IL1RAPL2: variants seen among roughly 807,000 people sequenced by gnomAD.
The protein encoded by IL1RAPL2 is interleukin 1 receptor accessory protein like 2, also known as X-linked interleukin-1 receptor accessory protein-like 2.
A neutral mutation model predicts 44.1 loss-of-function variants in IL1RAPL2; 3 were observed. The ratio of observed to expected loss-of-function variants is 0.07; its 90% confidence interval spans 0.03 to 0.18. The LOEUF (loss-of-function observed/expected upper bound fraction) is 0.18. Ranked by LOEUF, IL1RAPL2 falls within the 10% of genes least tolerant of loss-of-function variation. The pLI, the probability that IL1RAPL2 is intolerant of heterozygous loss-of-function variation, is 1.00. For synonymous variants in IL1RAPL2, 181 were observed against 178.8 expected, an observed-to-expected ratio of 1.01 and a Z score of -0.10; for missense variants, 391 against 496.4, an observed-to-expected ratio of 0.79 and a Z score of 2.02.
At chrX:105,739,925 C>G (rs1170787349) in intron 7 of IL1RAPL2, among the ~76,000 whole-genome samples, 1 of 102,286 alleles carries the variant, frequency 9.8e-6, no homozygotes, top group Non-Finnish European at 2.0e-5. Context: ...AATCGCCACA[C>G]TGACTTCCAC....
chrX:105,379,435 A>G (rs1467579477), intron 5 of IL1RAPL2, among the ~76,000 whole-genome samples: 1 of 109,807 alleles, frequency 9.1e-6, no homozygotes, highest in Non-Finnish European at 1.9e-5. Flanking sequence ...GCTGTAAGCA[A>G]TGAAGTAAAA....
At chrX:105,033,341 T>G (rs1441471966) in intron 2 of IL1RAPL2, among the ~76,000 whole-genome samples, 1 of 112,023 alleles carries the variant, frequency 8.9e-6, no homozygotes, top group Non-Finnish European at 1.9e-5. Flanking sequence ...CATTTTGGCA[T>G]GTTTTTGCAG....
rs1403093175 is a variant in IL1RAPL2 at position 105,392,051 on chromosome X, C to T, written c.698-92262C>T. On this transcript the variant is annotated intron_variant, in intron 5 of 10. Transcript: ENST00000372582. ...AGGAGATATACCTAATGCTAAATGA[C>T]GAGTTAATGGGTGCAGCACACCAGC... Among the ~76,000 whole-genome samples, 7 of 104,134 alleles carry T rather than the reference C, an allele frequency of 6.7e-5. No individual in the cohort carries two copies. The East Asian group carries it at 9.3e-4, about 14-fold the overall frequency. The allele number at this position is 104,134 out of a possible 115,157, so 90.4% of individuals were successfully genotyped here.
chrX:105,057,272 G>A (rs1377595875), intron 2 of IL1RAPL2, among the ~76,000 whole-genome samples: 1 of 111,852 alleles, frequency 8.9e-6, no homozygotes. Flanking sequence ...TTAATTGGAG[G>A]AAGTGAAATG....
intron 5 of IL1RAPL2, among the ~76,000 whole-genome samples, chrX:105,300,544 A>T (rs1244826959): frequency 9.0e-6 from 1 of 111,367 alleles, no homozygotes; most frequent in Admixed American, 9.6e-5. Context: ...ATATTTCAGT[A>T]TGATTTTGGG....
intron 6 of IL1RAPL2, among the ~76,000 whole-genome samples, chrX:105,647,522 C>T (rs190223970): frequency 9.0e-5 from 10 of 111,498 alleles, no homozygotes; most frequent in Admixed American, 3.8e-4. Context: ...CTACCTGATG[C>T]GTCAGGTGTC....
At chrX:104,670,128 C>G (rs1469596723) in intron 2 of IL1RAPL2, among the ~76,000 whole-genome samples, 1 of 111,326 alleles carries the variant, frequency 9.0e-6, no homozygotes, top group Non-Finnish European at 1.9e-5. Context: ...AGGCCATCTG[C>G]AAGCTGAGGA....
chrX:105,684,582 A>C lies in IL1RAPL2; in HGVS notation c.773-32785A>C, dbSNP rs1398951137. Among the ~76,000 whole-genome samples the C allele has an allele frequency of 2.7e-5, 3 of 112,323 alleles. No individual in the cohort carries two copies. In the East Asian group the frequency reaches 8.5e-4, roughly 32 times the overall value. On this transcript the variant is annotated intron_variant, in intron 6 of 10. Transcript: ENST00000372582. ...GCTCAACAAGGCCTACTGCCTCTAGACTCCACCTCTGTGGGCAGGGCATAG... is the reference window on the plus strand; with the variant it reads ...GCTCAACAAGGCCTACTGCCTCTAGCCTCCACCTCTGTGGGCAGGGCATAG...
chrX:105,609,054 CT>C (rs770082097), intron 6 of IL1RAPL2, among the ~76,000 whole-genome samples: 2 of 111,345 alleles, frequency 1.8e-5, no homozygotes, highest in East Asian at 2.8e-4. Flanking sequence ...GCCATAATCT[CT>C]TTGTGAGTAA....
At chrX:105,699,026 G>A (rs1226426047) in intron 6 of IL1RAPL2, among the ~76,000 whole-genome samples, 1 of 111,666 alleles carries the variant, frequency 9.0e-6, no homozygotes, top group Non-Finnish European at 1.9e-5. Flanking sequence ...TATTATTGAA[G>A]TATGTCAGGC....
intron 2 of IL1RAPL2, among the ~76,000 whole-genome samples, chrX:104,852,630 C>G (rs766123690): frequency 9.0e-6 from 1 of 111,624 alleles, no homozygotes; most frequent in East Asian, 2.8e-4. Context: ...AGGGAGTGAC[C>G]TGAAGAAAAA....
intron 5 of IL1RAPL2, among the ~76,000 whole-genome samples, chrX:105,310,347 C>T (rs772039937): frequency 8.1e-5 from 9 of 111,023 alleles, no homozygotes; most frequent in South Asian, 3.7e-4. Context: ...GTTTTTACAT[C>T]TTTCTTTTTT....
intron 6 of IL1RAPL2, among the ~76,000 whole-genome samples, chrX:105,704,589 C>T (rs192336001): frequency 1.8e-5 from 2 of 111,492 alleles, no homozygotes; most frequent in African/African-American, 6.5e-5. Flanking sequence ...CTTTGGGAAT[C>T]TTTGTTCTAA....
At chrX:105,259,182 G>A (rs1271264286) in intron 4 of IL1RAPL2, among the ~76,000 whole-genome samples, 1 of 111,782 alleles carries the variant, frequency 8.9e-6, no homozygotes, top group Non-Finnish European at 1.9e-5. Flanking sequence ...TTTCAGAGGG[G>A]GGGTATGTTA....
At chrX:104,772,487 A>T (rs1413540759) in intron 2 of IL1RAPL2, among the ~76,000 whole-genome samples, 1 of 112,172 alleles carries the variant, frequency 8.9e-6, no homozygotes. Flanking sequence ...TTTATATAAA[A>T]GTTAGTACCA....
At chrX:105,309,207 TTG>T (rs1367183057) in intron 5 of IL1RAPL2, among the ~76,000 whole-genome samples, 3 of 107,216 alleles carry the variant, frequency 2.8e-5, no homozygotes, top group Non-Finnish European at 3.9e-5. Flanking sequence ...GTTAATTTTT[TTG>T]TATTTCTAGT....
intron 5 of IL1RAPL2, among the ~76,000 whole-genome samples, chrX:105,407,895 A>G (rs1479107457): frequency 8.9e-6 from 1 of 112,232 alleles, no homozygotes; most frequent in Non-Finnish European, 1.9e-5. Context: ...TTCTCATACA[A>G]TCATCACAAG....
intron 6 of IL1RAPL2, among the ~76,000 whole-genome samples, chrX:105,611,787 C>T (rs1342420639): frequency 1.8e-5 from 2 of 111,901 alleles, no homozygotes; most frequent in African/African-American, 6.5e-5. Context: ...AGAATATTCT[C>T]CTTAGTGTTT....
intron 2 of IL1RAPL2, among the ~76,000 whole-genome samples, chrX:104,764,199 A>ATT (rs200963384): frequency 1.8e-5 from 2 of 108,184 alleles, no homozygotes; most frequent in African/African-American, 3.4e-5. Flanking sequence ...TGAACATGGA[A>ATT]TTTTTTTTCA....
Sources: gnomAD v4.1 joint callset for allele counts (sites outside exome capture counted in the v4.1 genomes callset) on GRCh38, gnomAD v4.1.1 for gene constraint, MANE v1.5 for transcripts, NCBI Gene and HGNC (gene_info 2026-07-23, HGNC 2026-07-21) for gene names.